Variants in ADGRL1 observed in about 807,000 individuals in gnomAD.
ADGRL1 encodes adhesion G protein-coupled receptor L1.
In ADGRL1, 31 loss-of-function variants were observed where a neutral mutation model predicts 148.9. The ratio of observed to expected loss-of-function variants is 0.21; its 90% CI spans 0.16 to 0.28. The LOEUF (loss-of-function observed/expected upper bound fraction) is 0.28, where lower values mean the gene tolerates loss of function less well. Among genes scored for constraint, ADGRL1 ranks in the 10% least tolerant of loss-of-function variants. The pLI is 1.00. For missense variants in ADGRL1, 1,521 were observed against 2,058.8 expected, an observed-to-expected ratio of 0.74 and a Z score of 5.05; for synonymous variants, 937 against 900.3, an observed-to-expected ratio of 1.04 and a Z score of -0.73.
chr19:14,154,408 G>T (rs1374152640), intron 18 of ADGRL1, among the ~76,000 whole-genome samples: 1 of 152,180 alleles, frequency 6.6e-6, no homozygotes, highest in Non-Finnish European at 1.5e-5. Flanking sequence ...AGTCCTGAGG[G>T]TGCTGCCAGT....
chr19:14,189,704 G>A (rs920288206), intron 1 of ADGRL1, among the ~76,000 whole-genome samples: 1 of 152,176 alleles, frequency 6.6e-6, no homozygotes, highest in African/African-American at 2.4e-5. Flanking sequence ...TGCACAGAAG[G>A]ATCCTTTTTA....
At chr19:14,197,413 C>T (rs954271450) in intron 1 of ADGRL1, among the ~76,000 whole-genome samples, 7 of 152,100 alleles carry the variant, frequency 4.6e-5, no homozygotes, top group Non-Finnish European at 1.0e-4. Context: ...CCGTCCCATC[C>T]AGTCTCTACC....
At chr19:14,167,635 CA>C (rs1970102272) in intron 4 of ADGRL1, among the ~76,000 whole-genome samples, 1 of 152,152 alleles carries the variant, frequency 6.6e-6, no homozygotes, top group South Asian at 2.1e-4. Context: ...TGACTTCCCC[CA>C]AGCCCTCACA....
Position 14,166,572 on chromosome 19 carries a change from G to C in ADGRL1, c.395-3166C>G, listed in dbSNP as rs1969981655. On this transcript the variant is annotated intron_variant, in intron 4 of 22. Transcript: ENST00000361434. Reference sequence around the variant, plus strand: ...GAGAGAGGGGAGAGACAGAGAGAGAGAGAGAGAGAAAGAGAGAGAGAGAGA... The same window carrying C: ...GAGAGAGGGGAGAGACAGAGAGAGACAGAGAGAGAAAGAGAGAGAGAGAGA... Among the ~76,000 whole-genome samples, 3 of 149,606 alleles carry C rather than the reference G, an allele frequency of 2.0e-5. No individual in the cohort carries two copies. In the Admixed American group the frequency reaches 2.0e-4, roughly 10 times the overall value.
In ADGRL1 at chr19:14,194,416, C is replaced by T. The variant is rs1197375978; in HGVS notation, c.-95-10719G>A. Among the ~76,000 whole-genome samples the T allele has an allele frequency of 9.2e-5, 14 of 152,232 alleles. No homozygotes were observed. In the East Asian group the frequency reaches 2.7e-3, roughly 29 times the overall value. ...AAACAGCAAACGACAGGGTGAGCAT[C>T]TAGCTGGGCTCTCCAGCAAGGAACC... is the stretch of plus-strand genomic sequence containing the variant. On this transcript the variant is annotated intron_variant, in intron 1 of 22. Transcript: ENST00000361434.
At chr19:14,181,249 C>T (rs1452076737) in intron 2 of ADGRL1, among the ~76,000 whole-genome samples, 1 of 152,344 alleles carries the variant, frequency 6.6e-6, no homozygotes, top group Admixed American at 6.5e-5. Context: ...TGGGAATGAA[C>T]TCATGTTTCT....
intron 1 of ADGRL1, among the ~76,000 whole-genome samples, chr19:14,194,551 C>A (rs1252858279): frequency 1.3e-5 from 2 of 152,196 alleles, no homozygotes; most frequent in South Asian, 2.1e-4. Context: ...GATGCTTGTA[C>A]CCACAGTTTA....
chr19:14,173,106 T>C (rs574639240), intron 3 of ADGRL1, among the ~76,000 whole-genome samples: 159 of 152,156 alleles, frequency 1.0e-3, no homozygotes, highest in Non-Finnish European at 2.6e-4. Context: ...ACTACAGGTA[T>C]GTGCCACCAT....
rs181593586 is a variant in ADGRL1, at chr19:14,205,076, A to C, written c.-96+909T>G. Among the ~76,000 whole-genome samples the C allele has an allele frequency of 3.2e-3, 491 of 152,130 alleles. 4 individuals are homozygous for C. The highest frequency in any genetic ancestry group is 9.4e-3 in the African/African-American group (388 of 41,496). The stretch of plus-strand genomic sequence containing the variant: ...GTGTGTGTAGCCAGCGGCTGTCTTC[A>C]GATGGGGGCCAGGGGTGCACTGGAG... On this transcript the variant is annotated intron_variant, in intron 1 of 22. Transcript: ENST00000361434.
In ADGRL1 at chr19:14,152,840, C is replaced by T. The variant is rs1402467188; in HGVS notation, c.3367G>A (p.Gly1123Arg). Reference sequence around the variant, plus strand: ...CGCATGGCTGAGGTCTTGAGGGATCCGTGAGTGCCCCCGGGTGGGGAGCGG... The same window carrying T: ...CGCATGGCTGAGGTCTTGAGGGATCTGTGAGTGCCCCCGGGTGGGGAGCGG... ...CIRSPPGGTH[G>R]SLKTSAMRSN... The change falls in exon 19 of 23, where the codon GGA becomes AGA. Residue 1123 changes from glycine (G) to arginine (R), a missense_variant. By Grantham distance (125) the Gly-to-Arg change is moderately radical. Coordinates refer to ENST00000361434, the MANE Select transcript of ADGRL1 (RefSeq NM_014921.5). This position sits in a 1 kb window ranked among gnomAD's most constrained non-coding sequence, Gnocchi z 6.1. 1.2e-6 allele frequency: 2 copies of T among 1,614,148 alleles called. No individual in the cohort carries two copies. The highest frequency in any genetic ancestry group is 1.3e-5 in the African/African-American group (1 of 75,016).
At chr19:14,199,715 G>A (rs995229418) in intron 1 of ADGRL1, among the ~76,000 whole-genome samples, 5 of 151,954 alleles carry the variant, frequency 3.3e-5, no homozygotes, top group Admixed American at 2.0e-4. Context: ...TACTGTGCCC[G>A]GCTGTTGCAA....
rs1969466104 is a variant in ADGRL1 at position 14,162,171 on chromosome 19, G to C, written c.1195+435C>G. The stretch of plus-strand genomic sequence containing the variant: ...AGGGCAGCTAGGCGGGGCAAAAGAA[G>C]ACTGCAGAGTTGCCCTCAGCCCGGT... On this transcript the variant is annotated intron_variant, in intron 5 of 22. Transcript: ENST00000361434. The surrounding 1 kb of genome is among the most constrained non-coding windows in gnomAD (Gnocchi z 5.4). Among the ~76,000 whole-genome samples, 2 of 152,196 alleles carry C rather than the reference G, an allele frequency of 1.3e-5. No homozygotes were observed. The highest frequency in any genetic ancestry group is 2.9e-5 in the Non-Finnish European group (2 of 68,028).
At chr19:14,163,468 G>GAGAA (rs1969630062) in intron 4 of ADGRL1, 62 bp from the exon 5 acceptor site, 1 of 434,776 alleles carries the variant, frequency 2.3e-6, no homozygotes, top group Non-Finnish European at 3.3e-6. Context: ...AGAGGGAGGA[G>GAGAA]AGAGAGAGAG....
At chr19:14,170,974 C>A (rs1486840309) in intron 3 of ADGRL1, 183 bp from the exon 4 acceptor site, 2 of 559,044 alleles carry the variant, frequency 3.6e-6, no homozygotes, top group Admixed American at 6.0e-5. Flanking sequence ...GAATTGTGAT[C>A]TCCAGTGTTG....
intron 18 of ADGRL1, 96 bp from the exon 19 acceptor site, chr19:14,153,008 G>A (rs1968368387): frequency 3.5e-6 from 5 of 1,440,570 alleles, no homozygotes; most frequent in Non-Finnish European, 4.7e-6. Flanking sequence ...GCCTTGGGAG[G>A]CCGGAGACCG....
chr19:14,161,570 T>G lies in ADGRL1; in HGVS notation c.1252A>C (p.Thr418Pro), dbSNP rs748605997. 1.9e-5 allele frequency: 27 copies of G among 1,446,332 alleles called. No individual in the cohort carries two copies. Among genetic ancestry groups the G allele is most frequent in the Admixed American group, 8.3e-5 (3 of 36,034 alleles). 89.6% of individuals were successfully genotyped at this position (1,446,332 alleles called of 1,614,324 possible). ...TTTTARPTPL[T>P]STASPAATTP... is the part of the protein sequence containing the mutation. ...GTGGCTGCGGGCGAGGCTGTGCTGGTGAGGGGCGTGGGCCTGGCTGTGGTG... is the reference window on the plus strand; with the variant it reads ...GTGGCTGCGGGCGAGGCTGTGCTGGGGAGGGGCGTGGGCCTGGCTGTGGTG... Residue 418 changes from threonine to proline, a missense_variant, in exon 6 of 23, where the codon ACC (threonine) becomes CCC (proline). Around this residue, in one of 8 missense-constraint regions of ADGRL1, gnomAD observed 270 missense variants for 320.4 expected, o/e 0.84. Coordinates refer to ENST00000361434, the MANE Select transcript of ADGRL1 (RefSeq NM_014921.5). This position sits in a 1 kb window ranked among gnomAD's most constrained non-coding sequence, Gnocchi z 4.4.
At chr19:14,167,900 G>C (rs574263080) in intron 4 of ADGRL1, among the ~76,000 whole-genome samples, 1 of 151,918 alleles carries the variant, frequency 6.6e-6, no homozygotes, top group African/African-American at 2.4e-5. Context: ...CAGGAGCTGG[G>C]AGCTCCGCCC....
intron 1 of ADGRL1, among the ~76,000 whole-genome samples, chr19:14,186,672 C>A (rs1343142798): frequency 1.3e-5 from 2 of 152,168 alleles, no homozygotes; most frequent in African/African-American, 4.8e-5. Context: ...TGATGTTGAT[C>A]CGAACATTAA....
At chr19:14,170,841 CGGGGGT>C (rs1568600550) in intron 3 of ADGRL1, 50 bp from the exon 4 acceptor site, 1 of 300,418 alleles carries the variant, frequency 3.3e-6, no homozygotes, top group Non-Finnish European at 6.7e-6. Context: ...GACGGGGTGG[CGGGGGT>C]GGGGGTGCAT....
Sources: allele counts gnomAD v4.1 joint callset (sites outside exome capture counted in the v4.1 genomes callset), GRCh38; gene constraint gnomAD v4.1.1; regional missense constraint gnomAD v4.1.1; non-coding constraint Gnocchi (gnomAD v3.1); transcripts MANE v1.5; gene names NCBI Gene and HGNC (gene_info 2026-07-23, HGNC 2026-07-21).